GALP: variants seen among roughly 807,000 people sequenced by gnomAD.
GALP encodes galanin-like peptide.
In GALP, 12 loss-of-function variants were observed where a neutral mutation model predicts 15.2. The ratio of observed to expected loss-of-function variants is 0.79; its 90% CI spans 0.51 to 1.28. GALP has a LOEUF of 1.28. GALP is among the 50% of genes most tolerant of loss of function. The pLI is 0.00. For synonymous variants in GALP, 58 were observed against 55.1 expected (o/e 1.05, Z -0.23); for missense variants, 161 against 145.6 (o/e 1.11, Z -0.55).
At chr19:56,182,471 C>T (rs73617552) in intron 4 of GALP, among the ~76,000 whole-genome samples, 2 of 152,254 alleles carry the variant, frequency 1.3e-5, no homozygotes, top group South Asian at 4.2e-4. Context: ...ATTCCGAATC[C>T]TGTTTGAACC....
intron 3 of GALP, 72 bp downstream of exon 3, chr19:56,180,706 G>T: frequency 1.6e-6 from 2 of 1,223,834 alleles, no homozygotes; most frequent in Non-Finnish European, 2.4e-6. Flanking sequence ...GTGAGTTTGT[G>T]GCTTGTAAAG....
Position 56,180,620 on chromosome 19 carries a change from A to G in GALP, c.122A>G (p.Tyr41Cys). Residue 41 changes from tyrosine to cysteine, a missense_variant, in exon 3 of 6, where the codon TAC (tyrosine) becomes TGC (cysteine). Transcript: ENST00000357330. The part of the protein sequence containing the change: ...RGGWTLNSAG[Y>C]LLGPVLHLPQ... Reference sequence around the variant, plus strand: ...GGCTGGACCCTCAATAGTGCTGGCTACCTTCTGGGTCCCGGTGAGTGAGGC... The same window carrying G: ...GGCTGGACCCTCAATAGTGCTGGCTGCCTTCTGGGTCCCGGTGAGTGAGGC... 1 of 1,613,536 alleles carries G rather than the reference A, an allele frequency of 6.2e-7. No homozygotes were observed. Among genetic ancestry groups the G allele is most frequent in the South Asian group, 1.1e-5 (1 of 91,040 alleles).
At chr19:56,180,535 C>T (rs1599929032) in intron 2 of GALP, 51 bp from the exon 3 acceptor site, 3 of 1,527,844 alleles carry the variant, frequency 2.0e-6, no homozygotes, top group Non-Finnish European at 1.8e-6. Context: ...CTGTGGGACG[C>T]CTGCCCCGCT....
intron 2 of GALP, among the ~76,000 whole-genome samples, chr19:56,178,652 A>G (rs937769522): frequency 9.9e-5 from 15 of 151,070 alleles, no homozygotes; most frequent in African/African-American, 2.2e-4. Flanking sequence ...CTTTTTTTCT[A>G]TATAACTAAG....
chr19:56,177,196 G>A lies in GALP; in HGVS notation c.87+1G>A, dbSNP rs770717614. On this transcript the variant is annotated splice_donor_variant, in intron 2 of 5. Transcript: ENST00000357330. LOFTEE classifies it high-confidence loss of function. ...TCCAGCATCCGCACCTGCCCACCGGGTAACGCCTCCCTAAGTTCCTCGGAA... is the reference window on the plus strand; with the variant it reads ...TCCAGCATCCGCACCTGCCCACCGGATAACGCCTCCCTAAGTTCCTCGGAA... 74 of 1,612,198 alleles carry A rather than the reference G, an allele frequency of 4.6e-5. 1 individual carries two copies. In the East Asian group the frequency reaches 1.6e-3, roughly 34 times the overall value.
chr19:56,180,633 C>A lies in GALP; in HGVS notation c.135C>A (p.Pro45=). Residue 45 remains proline, a splice_region_variant and synonymous_variant, in exon 3 of 6, where the codon CCC becomes CCA. Transcript: ENST00000357330. ...TLNSAGYLLG[P]VLHLPQMGDQ... is the part of the protein sequence containing the mutation. ...ATAGTGCTGGCTACCTTCTGGGTCC[C>A]GGTGAGTGAGGCTGCGCTCAGCTCT... 1.2e-6 allele frequency: 2 copies of A among 1,613,518 alleles called. No individual in the cohort carries two copies. The highest frequency in any genetic ancestry group is 1.3e-5 in the African/African-American group (1 of 74,998).
chr19:56,177,292 C>A, intron 2 of GALP, 97 bp downstream of exon 2: 1 of 992,732 alleles, frequency 1.0e-6, no homozygotes, highest in Non-Finnish European at 1.5e-6. Flanking sequence ...TGTCAAGGGT[C>A]CTGGGGAAGA....
At chr19:56,179,417 C>T (rs906611136) in intron 2 of GALP, among the ~76,000 whole-genome samples, 5 of 150,784 alleles carry the variant, frequency 3.3e-5, no homozygotes, top group Admixed American at 2.7e-4. Flanking sequence ...ACGCCATTCT[C>T]GTGCCTCAGC....
At chr19:56,182,988 T>TCTCTG in intron 4 of GALP, 147 bp from the exon 5 acceptor site, 6 of 633,904 alleles carry the variant, frequency 9.5e-6, no homozygotes. Flanking sequence ...GTGGTTATTC[T>TCTCTG]CTCTGCTCCT....
intron 5 of GALP, among the ~76,000 whole-genome samples, chr19:56,184,491 T>TC (rs1181136340): frequency 2.8e-5 from 4 of 144,912 alleles, no homozygotes; most frequent in Admixed American, 2.8e-4. Context: ...TTTCTTTTTT[T>TC]TTTTTTTTTT....
Position 56,185,407 on chromosome 19 carries a change from T to C in GALP, c.*137T>C. On this transcript the variant is annotated 3_prime_UTR_variant, in exon 6 of 6. Coordinates refer to ENST00000357330, the MANE Select transcript of GALP (RefSeq NM_033106.4). ...TCTCATGAAGACATTGTAAAGCATT[T>C]GAATTATTCTAAAAAATTTCTGGAG... 1.9e-6 allele frequency: 1 copy of C among 520,746 alleles called. No individual in the cohort carries two copies. Among genetic ancestry groups the C allele is most frequent in the Non-Finnish European group, 3.3e-6 (1 of 299,006 alleles). The allele number at this position is 520,746 out of a possible 1,614,324, so 32.3% of individuals were successfully genotyped here.
At chr19:56,177,229 T>C (rs2032480376) in intron 2 of GALP, 34 bp downstream of exon 2, 1 of 1,544,296 alleles carries the variant, frequency 6.5e-7, no homozygotes, top group Non-Finnish European at 8.9e-7. Flanking sequence ...GAAACAACAG[T>C]GTCCCCAAAT....
rs1377634078 is a variant in GALP at position 56,177,154 on chromosome 19, C to G, written c.46C>G (p.Leu16Val). ...VPLVLLLVLL[L>V]SLAETPASAP... ...CCTGGTCCTCCTCCTCGTCCTCTTG[C>G]TGAGCCTGGCAGAGACTCCAGCATC... The change falls in exon 2 of 6, where the codon CTG (leucine) becomes GTG (valine). Residue 16 changes from leucine (L) to valine (V), a missense_variant. Leu to Val is a conservative substitution (Grantham distance 32). Coordinates refer to ENST00000357330, the MANE Select transcript of GALP (RefSeq NM_033106.4). 1.2e-6 allele frequency: 2 copies of G among 1,613,710 alleles called. No individual in the cohort carries two copies. Among genetic ancestry groups the G allele is most frequent in the Non-Finnish European group, 1.7e-6 (2 of 1,179,918 alleles).
intron 3 of GALP, among the ~76,000 whole-genome samples, chr19:56,181,290 C>T (rs2032562833): frequency 6.6e-6 from 1 of 151,452 alleles, no homozygotes; most frequent in Non-Finnish European, 1.5e-5. Context: ...AATGATGGCC[C>T]TTACATCCGA....
intron 4 of GALP, among the ~76,000 whole-genome samples, chr19:56,182,745 A>T (rs1433748007): frequency 6.6e-6 from 1 of 152,120 alleles, no homozygotes; most frequent in African/African-American, 2.4e-5. Flanking sequence ...TTTAGTAGAG[A>T]TGGGGTTTCA....
intron 4 of GALP, 40 bp from the exon 5 acceptor site, chr19:56,183,095 A>G (rs2032594161): frequency 1.4e-6 from 2 of 1,418,760 alleles, no homozygotes; most frequent in East Asian, 4.5e-5. Flanking sequence ...CCCACTTGTA[A>G]CTACGAACGT....
chr19:56,183,359 A>G (rs937497732), intron 5 of GALP, 147 bp downstream of exon 5: 27 of 667,492 alleles, frequency 4.0e-5, no homozygotes, highest in Admixed American at 4.8e-5. Context: ...CACTACCCCG[A>G]CCACTCAGCC....
chr19:56,177,989 G>C (rs892166977), intron 2 of GALP, among the ~76,000 whole-genome samples: 1 of 152,084 alleles, frequency 6.6e-6, no homozygotes, highest in Non-Finnish European at 1.5e-5. Flanking sequence ...ACAATGTGTT[G>C]TATACTTGAA....
At position 56,185,375 on chromosome 19, in the gene GALP, A is replaced by G. The variant is rs991504466; in HGVS notation, c.*105A>G. The G allele has an allele frequency of 1.6e-6, 1 of 640,714 alleles. No homozygotes were observed. Among genetic ancestry groups the G allele is most frequent in the African/African-American group, 1.9e-5 (1 of 53,124 alleles). The allele number at this position is 640,714 out of a possible 1,614,324, so 39.7% of individuals were successfully genotyped here. A position where few individuals can be genotyped will look rare whatever the true frequency, so the allele number is the denominator to read the frequency against. On this transcript the variant is annotated 3_prime_UTR_variant, in exon 6 of 6. Coordinates refer to ENST00000357330, the MANE Select transcript of GALP (RefSeq NM_033106.4). ...TGAGACTAAGATCCTGAAGTTAAAT[A>G]CCCAGGTCTCATGAAGACATTGTAA...
Sources: allele counts gnomAD v4.1 joint callset (sites outside exome capture counted in the v4.1 genomes callset), GRCh38; gene constraint gnomAD v4.1.1; transcripts MANE v1.5; gene names NCBI Gene and HGNC (gene_info 2026-07-23, HGNC 2026-07-21).